The following PPP3CC variants were observed in gnomAD, a reference collection of about 807,000 sequenced individuals.
The protein encoded by PPP3CC is serine/threonine-protein phosphatase 2B catalytic subunit gamma isoform.
PPP3CC carries 35 observed loss-of-function variants against 60.3 expected under a neutral mutation model. The ratio of observed to expected loss-of-function variants is 0.58; its 90% confidence interval spans 0.44 to 0.77. The LOEUF (loss-of-function observed/expected upper bound fraction) is 0.77, where lower values mean the gene tolerates loss of function less well. Among genes scored for constraint, PPP3CC ranks in the 30% least tolerant of loss-of-function variants. PPP3CC has a pLI of 0.00. For synonymous variants in PPP3CC, 206 were observed against 224.3 expected, an observed-to-expected ratio of 0.92 and a Z score of 0.73; for missense variants, 570 against 628.9, an observed-to-expected ratio of 0.91 and a Z score of 1.00.
At chr8:22,453,827 A>T (rs1416394392) in intron 1 of PPP3CC, among the ~76,000 whole-genome samples, 1 of 152,202 alleles carries the variant, frequency 6.6e-6, no homozygotes, top group East Asian at 1.9e-4. Context: ...ATCTAAACCT[A>T]GAAAAGGTAC....
intron 4 of PPP3CC, among the ~76,000 whole-genome samples, chr8:22,499,118 CA>C (rs1210785398): frequency 7.3e-5 from 10 of 136,766 alleles, no homozygotes; most frequent in African/African-American, 1.1e-4. Flanking sequence ...GACTCCGACT[CA>C]AAAAAAAAAG....
intron 6 of PPP3CC, among the ~76,000 whole-genome samples, chr8:22,518,067 G>GT (rs566787134): frequency 1.7e-3 from 238 of 142,096 alleles, no homozygotes; most frequent in East Asian, 2.4e-3. Flanking sequence ...TTATCTTGAG[G>GT]TTTTTTTTTT....
In PPP3CC at chr8:22,472,363, A is replaced by AACACACACACACACACACACACAC. The variant is rs71546810; in HGVS notation, c.50-2570_50-2547dup. The stretch of plus-strand genomic sequence containing the variant: ...CTTTTAGAATATTTTGGTAAAAATG[A>AACACACACACACACACACACACAC]ACACACACACACACACACACACACA... On this transcript the variant is annotated intron_variant, in intron 1 of 13. Coordinates refer to ENST00000240139, the MANE Select transcript of PPP3CC (RefSeq NM_005605.5). Among the ~76,000 whole-genome samples the AACACACACACACACACACACACAC allele has an allele frequency of 1.9e-3, 238 of 125,706 alleles. 7 individuals carry two copies. The highest frequency in any genetic ancestry group is 3.3e-3 in the African/African-American group (107 of 32,454). The allele number at this position is 125,706 out of a possible 152,430, so 82.5% of individuals were successfully genotyped here.
chr8:22,480,676 A>G (rs939130239), intron 3 of PPP3CC, among the ~76,000 whole-genome samples: 1 of 151,916 alleles, frequency 6.6e-6, no homozygotes, highest in African/African-American at 2.4e-5. Flanking sequence ...ATGGAGTTTC[A>G]CCATATTGGC....
rs141907026 is a variant in PPP3CC, at chr8:22,463,232, A to G, written c.50-11722A>G. 7.3e-3 allele frequency among the ~76,000 whole-genome samples: 1,108 copies of G among 152,320 alleles called. 15 individuals carry two copies. Among genetic ancestry groups the G allele is most frequent in the African/African-American group, 0.026 (1,066 of 41,556 alleles). ...GGAGGTTGTGTTCTGATTATCTTGG[A>G]CATAAATAGTCTATTCATTTTATCT... On this transcript the variant is annotated intron_variant, in intron 1 of 13. Transcript: ENST00000240139.
chr8:22,479,743 C>CAAAAAA (rs76119074), intron 3 of PPP3CC, among the ~76,000 whole-genome samples: 3 of 54,212 alleles, frequency 5.5e-5, no homozygotes, highest in Non-Finnish European at 7.5e-5. Context: ...GACTCTGTCT[C>CAAAAAA]AAAAAAAAAA....
chr8:22,540,562 G>A (rs1257086729), intron 13 of PPP3CC, 53 bp from the exon 14 acceptor site: 4 of 1,541,684 alleles, frequency 2.6e-6, no homozygotes, highest in Non-Finnish European at 3.5e-6. Flanking sequence ...TTTTAAGCCT[G>A]TTGCTTTGCT....
chr8:22,536,011 C>T (rs1269147912), intron 12 of PPP3CC, among the ~76,000 whole-genome samples: 5 of 152,206 alleles, frequency 3.3e-5, no homozygotes, highest in African/African-American at 7.2e-5. Context: ...GGATTACAGG[C>T]GTGAGCCACC....
At chr8:22,514,280 T>G (rs978922994) in intron 6 of PPP3CC, among the ~76,000 whole-genome samples, 6 of 138,354 alleles carry the variant, frequency 4.3e-5, no homozygotes, top group African/African-American at 1.6e-4. Context: ...AAGGAAGACA[T>G]AAGAGAAGTT....
At chr8:22,527,113 A>T (rs1008088754) in intron 8 of PPP3CC, among the ~76,000 whole-genome samples, 2 of 152,222 alleles carry the variant, frequency 1.3e-5, no homozygotes, top group East Asian at 3.8e-4. Flanking sequence ...CTTGAGGTTT[A>T]TATAGATAGT....
chr8:22,441,225 T>G lies in PPP3CC; in HGVS notation c.-185T>G, dbSNP rs1304191862. ...GGCCGGTGGGCCCTCGTCCTGTCAG[T>G]GGCGTCGGAGGCCGGCGCTGCGGTG... On this transcript the variant is annotated 5_prime_UTR_variant, in exon 1 of 14. Transcript: ENST00000240139. 1 of 491,190 alleles carries G rather than the reference T, an allele frequency of 2.0e-6. No homozygotes were observed. Among genetic ancestry groups the G allele is most frequent in the African/African-American group, 2.0e-5 (1 of 48,910 alleles). 30.4% of individuals were successfully genotyped at this position (491,190 alleles called of 1,614,324 possible). A position where few individuals can be genotyped will look rare whatever the true frequency, so the allele number is the denominator to read the frequency against.
chr8:22,507,872 TCCATTCTCTTCACCA>T (rs1388369461), intron 4 of PPP3CC, among the ~76,000 whole-genome samples: 1 of 152,138 alleles, frequency 6.6e-6, no homozygotes, highest in African/African-American at 2.4e-5. Flanking sequence ...AGTTCCAGAC[TCCATTCTCTTCACCA>T]CCATGCCATG....
chr8:22,462,568 CTTTTTTCTTTTTT>C (rs1586797357), intron 1 of PPP3CC, among the ~76,000 whole-genome samples: 1 of 150,352 alleles, frequency 6.7e-6, no homozygotes, highest in Non-Finnish European at 1.5e-5. Flanking sequence ...TCTTTTTTTT[CTTTTTTCTTTTTT>C]TTTTTTTGAG....
intron 10 of PPP3CC, chr8:22,531,379 ATAGTCTAT>A (rs1444135432): frequency 9.5e-6 from 14 of 1,474,754 alleles, no homozygotes; most frequent in Non-Finnish European, 1.3e-5. Flanking sequence ...CTGTCCCACC[ATAGTCTAT>A]TGGTTAGACT....
At chr8:22,477,914 G>A (rs574047650) in intron 3 of PPP3CC, among the ~76,000 whole-genome samples, 5 of 152,298 alleles carry the variant, frequency 3.3e-5, no homozygotes, top group East Asian at 1.9e-4. Context: ...GCAATGGCAC[G>A]ATCTCGGCCC....
At position 22,441,093 on chromosome 8, in the gene PPP3CC, C is replaced by G. The variant is rs1203367896; in HGVS notation, c.-317C>G. On this transcript the variant is annotated 5_prime_UTR_variant, in exon 1 of 14. Transcript: ENST00000240139. ...GGGCGCGCTTGCGTGCACGAGGGCC[C>G]GGGCCGCGAGCAGCCGCGGCCGTCC... 4.0e-6 allele frequency: 1 copy of G among 251,960 alleles called. No homozygotes were observed. The highest frequency in any genetic ancestry group is 7.5e-6 in the Non-Finnish European group (1 of 132,566). The allele number at this position is 251,960 out of a possible 1,614,324, so 15.6% of individuals were successfully genotyped here. A position where few individuals can be genotyped will look rare whatever the true frequency, so the allele number is the denominator to read the frequency against.
chr8:22,528,975 C>T lies in PPP3CC; in HGVS notation c.1141+398C>T, dbSNP rs149992765. Among the ~76,000 whole-genome samples, 63 of 152,170 alleles carry T rather than the reference C, an allele frequency of 4.1e-4. No individual in the cohort carries two copies. The East Asian group carries it at 9.3e-3, about 22-fold the overall frequency. On this transcript the variant is annotated intron_variant, in intron 10 of 13. Transcript: ENST00000240139. The stretch of plus-strand genomic sequence containing the variant: ...TTTCCCAAGTTTTTGCCGACAAAAC[C>T]CATATAGTTTTGAACATTTGTTTAG...
chr8:22,495,468 A>G (rs10112859), intron 3 of PPP3CC, among the ~76,000 whole-genome samples: 1,579 of 152,252 alleles, frequency 0.01, 29 homozygotes, highest in African/African-American at 0.037. Flanking sequence ...TCTTCAGGGT[A>G]GATTCCTAGA....
At chr8:22,532,200 T>C (rs781726204) in intron 10 of PPP3CC, 25 bp from the exon 11 acceptor site, 11 of 1,562,628 alleles carry the variant, frequency 7.0e-6, no homozygotes, top group Non-Finnish European at 9.7e-6. Context: ...TCCCTTTAAC[T>C]TACTTATTCT....
Sources: gnomAD v4.1 joint callset for allele counts (sites outside exome capture counted in the v4.1 genomes callset) on GRCh38, gnomAD v4.1.1 for gene constraint, MANE v1.5 for transcripts, NCBI Gene and HGNC (gene_info 2026-07-23, HGNC 2026-07-21) for gene names.